AMPH: variants seen among roughly 807,000 people sequenced by gnomAD.
AMPH encodes amphiphysin (Stiff-Mann syndrome with breast cancer 128kD autoantigen).
Under a neutral mutation model 99.1 loss-of-function variants are expected in AMPH, and 49 were observed. That is an observed-to-expected ratio of 0.49 (90% CI 0.39 to 0.63). The LOEUF is 0.63. Among genes scored for constraint, AMPH ranks in the 20% least tolerant of loss-of-function variants. The pLI is 0.00. For synonymous variants in AMPH, 314 were observed against 317.3 expected (o/e 0.99, Z 0.11); for missense variants, 759 against 863.4 (o/e 0.88, Z 1.52).
At chr7:38,413,011 G>C (rs1785257830) in intron 17 of AMPH, among the ~76,000 whole-genome samples, 1 of 152,172 alleles carries the variant, frequency 6.6e-6, no homozygotes, top group South Asian at 2.1e-4. Flanking sequence ...GGCAACACTG[G>C]AAGAGGGGGC....
chr7:38,416,420 T>C (rs1197574393), intron 17 of AMPH, among the ~76,000 whole-genome samples: 1 of 152,102 alleles, frequency 6.6e-6, no homozygotes, highest in East Asian at 1.9e-4. Context: ...TGAATAGTCT[T>C]GGGCATAAAA....
chr7:38,556,494 C>G (rs6462850), intron 1 of AMPH, among the ~76,000 whole-genome samples: 37,210 of 152,078 alleles, frequency 0.24, 5,197 homozygotes, highest in African/African-American at 0.38. Flanking sequence ...GAGATACCAG[C>G]GAAGGCCCTC....
chr7:38,384,940 C>T lies in AMPH; in HGVS notation c.1981-15G>A, dbSNP rs1201304154. 3.7e-6 allele frequency: 6 copies of T among 1,609,046 alleles called. No individual in the cohort carries two copies. The highest frequency in any genetic ancestry group is 3.4e-6 in the Non-Finnish European group (4 of 1,175,762). ...CAGCCTGCATCCTGAAAAACAATGA[C>T]AGAACTTTCAGGGTCCAGCAAACTA... On this transcript the variant is annotated splice_polypyrimidine_tract_variant and intron_variant, in intron 20 of 20. Transcript: ENST00000356264.
At chr7:38,429,673 C>A (rs951766899) in intron 14 of AMPH, 169 bp downstream of exon 14, 7 of 1,310,772 alleles carry the variant, frequency 5.3e-6, no homozygotes, top group African/African-American at 1.5e-5. Flanking sequence ...GCTCTTCAGG[C>A]GAGTAGCACC....
chr7:38,627,387 C>CAAAAAATAAAAAAAAAAAAA (rs1794292313), intron 1 of AMPH, among the ~76,000 whole-genome samples: 1 of 116,938 alleles, frequency 8.6e-6, no homozygotes, highest in Non-Finnish European at 1.7e-5. Flanking sequence ...ACTAAAAATA[C>CAAAAAATAAAAAAAAAAAAA]AAAAAAAAAA....
chr7:38,392,048 G>T, intron 18 of AMPH, 31 bp from the exon 19 acceptor site: 1 of 1,595,686 alleles, frequency 6.3e-7, no homozygotes, highest in Non-Finnish European at 8.5e-7. Flanking sequence ...GCGATGCCCG[G>T]CAGGGCCTGG....
chr7:38,444,738 G>A (rs1271437478), intron 11 of AMPH, among the ~76,000 whole-genome samples: 2 of 151,462 alleles, frequency 1.3e-5, no homozygotes, highest in African/African-American at 4.8e-5. Flanking sequence ...AAGCCACTCA[G>A]TTGTGGTACA....
intron 11 of AMPH, among the ~76,000 whole-genome samples, chr7:38,452,540 A>C (rs576642072): frequency 6.6e-6 from 1 of 152,350 alleles, no homozygotes; most frequent in South Asian, 2.1e-4. Context: ...ATAAGCACTC[A>C]TGTGTATGTG....
At chr7:38,429,646 T>A in intron 14 of AMPH, 196 bp downstream of exon 14, 1 of 1,401,616 alleles carries the variant, frequency 7.1e-7, no homozygotes, top group Admixed American at 2.6e-5. Flanking sequence ...ATGGTAAGAT[T>A]TGATGAGAAA....
chr7:38,534,790 T>C (rs1000565293), intron 2 of AMPH, 141 bp downstream of exon 2: 1 of 694,770 alleles, frequency 1.4e-6, no homozygotes, highest in Non-Finnish European at 2.4e-6. Flanking sequence ...TAGGAAATTC[T>C]CCAGAATTAG....
chr7:38,422,351 G>T, intron 16 of AMPH, 70 bp downstream of exon 16: 1 of 1,311,724 alleles, frequency 7.6e-7, no homozygotes, highest in Non-Finnish European at 1.1e-6. Context: ...AGACAGCCTA[G>T]AATGATCAGC....
In AMPH at chr7:38,572,636, GA is replaced by G. The variant is rs879411031; in HGVS notation, c.70-37626del. On this transcript the variant is annotated intron_variant, in intron 1 of 20. Transcript: ENST00000356264. ...ATGAGCCCAAGGGCCAAGATCACCT[GA>G]AAGAAGCTGGCACCAGAAGCCAGTC... is the stretch of plus-strand genomic sequence containing the variant. 2.5e-4 allele frequency among the ~76,000 whole-genome samples: 38 copies of G among 152,318 alleles called. 1 individual carries two copies. Among genetic ancestry groups the G allele is most frequent in the Admixed American group, 6.5e-4 (10 of 15,300 alleles).
intron 11 of AMPH, among the ~76,000 whole-genome samples, chr7:38,441,853 T>TATATCATATATATA (rs60306180): frequency 1.1e-5 from 1 of 91,038 alleles, no homozygotes; most frequent in Non-Finnish European, 2.0e-5. Flanking sequence ...ATATATATCA[T>TATATCATATATATA]ATATATCATA....
intron 3 of AMPH, among the ~76,000 whole-genome samples, chr7:38,503,055 C>T (rs1453391493): frequency 6.6e-6 from 1 of 152,244 alleles, no homozygotes; most frequent in Non-Finnish European, 1.5e-5. Flanking sequence ...GCTGAGCCAC[C>T]TCCCTATTGC....
chr7:38,429,298 C>G, intron 14 of AMPH: 2 of 1,287,032 alleles, frequency 1.6e-6, no homozygotes, highest in South Asian at 2.5e-5. Context: ...AAGGCTGGCC[C>G]CGGGGCATGC....
intron 1 of AMPH, among the ~76,000 whole-genome samples, chr7:38,580,587 T>G (rs1043682128): frequency 2.0e-5 from 3 of 152,210 alleles, no homozygotes; most frequent in Non-Finnish European, 2.9e-5. Context: ...GCTGGCCCAC[T>G]TTCCTCAGCC....
chr7:38,416,035 T>C (rs574685708), intron 17 of AMPH, among the ~76,000 whole-genome samples: 172 of 149,896 alleles, frequency 1.1e-3, no homozygotes, highest in African/African-American at 3.8e-3. Flanking sequence ...TGATGGTTGG[T>C]GCCTGTGCCA....
intron 1 of AMPH, among the ~76,000 whole-genome samples, chr7:38,540,392 C>T (rs915886907): frequency 1.3e-5 from 2 of 152,056 alleles, no homozygotes; most frequent in Admixed American, 6.6e-5. Flanking sequence ...CCTCCTCCAA[C>T]CCTCACCCCA....
chr7:38,502,940 T>C (rs1479071922), intron 3 of AMPH, among the ~76,000 whole-genome samples: 2 of 152,216 alleles, frequency 1.3e-5, no homozygotes, highest in Non-Finnish European at 2.9e-5. Context: ...CCTTGTCAGA[T>C]GATCCATTCT....
Sources: gnomAD v4.1 joint callset for allele counts (sites outside exome capture counted in the v4.1 genomes callset) on GRCh38, gnomAD v4.1.1 for gene constraint, MANE v1.5 for transcripts, NCBI Gene and HGNC (gene_info 2026-07-23, HGNC 2026-07-21) for gene names.